Variants in ANKS1B observed in about 807,000 individuals in gnomAD.
The protein encoded by ANKS1B is ankyrin repeat and sterile alpha motif domain containing 1B.
In ANKS1B, 36 loss-of-function variants were observed where a neutral mutation model predicts 148.3. The ratio of observed to expected loss-of-function variants is 0.24; its 90% CI spans 0.19 to 0.32. The LOEUF is 0.32. Ranked by LOEUF, ANKS1B falls within the 10% of genes least tolerant of loss-of-function variation. The probability of loss-of-function intolerance (pLI) is 1.00; values close to 1 mark genes in which losing one functional copy is unlikely to be tolerated. For synonymous variants in ANKS1B, 542 were observed against 560.8 expected (o/e 0.97, Z 0.47); for missense variants, 1,157 against 1,542.6 (o/e 0.75, Z 4.19).
chr12:98,802,305 A>T (rs2099010344), intron 20 of ANKS1B, among the ~76,000 whole-genome samples: 1 of 152,218 alleles, frequency 6.6e-6, no homozygotes. Context: ...GGATTTCTTA[A>T]GGAGAATTTT....
At chr12:98,840,526 T>A (rs1279993696) in intron 17 of ANKS1B, among the ~76,000 whole-genome samples, 1 of 152,178 alleles carries the variant, frequency 6.6e-6, no homozygotes, top group African/African-American at 2.4e-5. Context: ...CTGAATGTAG[T>A]CTGTCTCATT....
At chr12:99,465,248 A>AT (rs2096078071) in intron 10 of ANKS1B, among the ~76,000 whole-genome samples, 1 of 152,172 alleles carries the variant, frequency 6.6e-6, no homozygotes, top group South Asian at 2.1e-4. Flanking sequence ...ATGCTGAGAG[A>AT]TTTTGTCACC....
chr12:98,891,338 T>A (rs887995527), intron 17 of ANKS1B, among the ~76,000 whole-genome samples: 5 of 151,910 alleles, frequency 3.3e-5, no homozygotes, highest in South Asian at 2.1e-4. Flanking sequence ...TTGATATTCA[T>A]CTAAACAAGC....
chr12:99,861,876 CT>C (rs1282966001), intron 1 of ANKS1B, among the ~76,000 whole-genome samples: 1 of 131,906 alleles, frequency 7.6e-6, no homozygotes, highest in Admixed American at 9.1e-5. Context: ...TTTCAAAATT[CT>C]TTTTGACATG....
intron 11 of ANKS1B, among the ~76,000 whole-genome samples, chr12:99,425,860 T>TATTTTTTAAATATTTTAAAAAA (rs2095242877): frequency 6.7e-6 from 1 of 148,846 alleles, no homozygotes; most frequent in Non-Finnish European, 1.5e-5. Flanking sequence ...CATTAGTTAC[T>TATTTTTTAAATATTTTAAAAAA]TGTTTTCTAT....
intron 10 of ANKS1B, among the ~76,000 whole-genome samples, chr12:99,494,360 G>C (rs1229868454): frequency 6.6e-6 from 1 of 152,146 alleles, no homozygotes; most frequent in Non-Finnish European, 1.5e-5. Context: ...GATCAAGGAA[G>C]TTTTCATTTA....
At chr12:99,826,545 C>T (rs1292951790) in intron 1 of ANKS1B, among the ~76,000 whole-genome samples, 3 of 152,034 alleles carry the variant, frequency 2.0e-5, no homozygotes, top group Non-Finnish European at 4.4e-5. Context: ...TTTAGGCTTA[C>T]ATGACTAGAA....
chr12:99,938,680 C>A (rs1289089024), intron 1 of ANKS1B, among the ~76,000 whole-genome samples: 1 of 152,168 alleles, frequency 6.6e-6, no homozygotes, highest in Non-Finnish European at 1.5e-5. Flanking sequence ...ACAGCCAGAC[C>A]CTTTTGTAAG....
intron 1 of ANKS1B, among the ~76,000 whole-genome samples, chr12:99,975,970 G>A (rs1312175429): frequency 6.6e-6 from 1 of 152,058 alleles, no homozygotes; most frequent in African/African-American, 2.4e-5. Context: ...ATGGTAGACT[G>A]GACAAGAAAA....
chr12:99,782,600 G>C (rs1049313587), intron 4 of ANKS1B, among the ~76,000 whole-genome samples: 1 of 152,136 alleles, frequency 6.6e-6, no homozygotes, highest in Non-Finnish European at 1.5e-5. Flanking sequence ...TCTTATGTGA[G>C]TATTTCACCT....
intron 17 of ANKS1B, among the ~76,000 whole-genome samples, chr12:99,041,580 C>T (rs1404209687): frequency 6.6e-6 from 1 of 151,996 alleles, no homozygotes; most frequent in African/African-American, 2.4e-5. Flanking sequence ...TTTTTTCCCC[C>T]CGGTGAGCCC....
chr12:99,233,128 T>C (rs1323706435), intron 14 of ANKS1B, among the ~76,000 whole-genome samples: 1 of 152,094 alleles, frequency 6.6e-6, no homozygotes, highest in Non-Finnish European at 1.5e-5. Context: ...AAATAACAAA[T>C]GAATTTCATG....
At chr12:98,837,055 G>A (rs1346756222) in intron 17 of ANKS1B, among the ~76,000 whole-genome samples, 1 of 152,154 alleles carries the variant, frequency 6.6e-6, no homozygotes, top group Non-Finnish European at 1.5e-5. Flanking sequence ...AAGTTGGCCA[G>A]GCGCAGTGGC....
At chr12:99,784,048 T>G (rs1203376390) in intron 4 of ANKS1B, among the ~76,000 whole-genome samples, 10 of 152,064 alleles carry the variant, frequency 6.6e-5, no homozygotes, top group Non-Finnish European at 1.5e-5. Flanking sequence ...CAAAAAAAAT[T>G]TAATGTGGCT....
chr12:99,152,716 G>C (rs992667208), intron 15 of ANKS1B, among the ~76,000 whole-genome samples: 2 of 152,058 alleles, frequency 1.3e-5, no homozygotes, highest in Non-Finnish European at 2.9e-5. Context: ...GAATAAATTT[G>C]GACAAGGGTT....
intron 17 of ANKS1B, among the ~76,000 whole-genome samples, chr12:98,858,603 G>A (rs776021709): frequency 6.6e-6 from 1 of 152,320 alleles, no homozygotes; most frequent in Non-Finnish European, 1.5e-5. Flanking sequence ...GCTTCCCAAA[G>A]TGTTGGGACT....
chr12:98,805,121 C>T lies in ANKS1B; in HGVS notation c.3141+2723G>A, dbSNP rs77459341. ...CCTTAAGTAATCACAAATGAGAAAT[C>T]AAAATGATTCAAGGTACTCCTAATA... On this transcript the variant is annotated intron_variant, in intron 20 of 26. Coordinates refer to ENST00000683438, the MANE Select transcript of ANKS1B (RefSeq NM_001352186.2). Among the ~76,000 whole-genome samples, 123 of 152,204 alleles carry T rather than the reference C, an allele frequency of 8.1e-4. 1 individual carries two copies. In the East Asian group the frequency reaches 0.021, roughly 26 times the overall value.
intron 15 of ANKS1B, among the ~76,000 whole-genome samples, chr12:99,116,557 T>C (rs1460324060): frequency 6.6e-6 from 1 of 152,194 alleles, no homozygotes; most frequent in Non-Finnish European, 1.5e-5. Context: ...TTTGACCTTC[T>C]TGGGTTAGGA....
chr12:99,797,662 G>A (rs1238023193), intron 4 of ANKS1B, among the ~76,000 whole-genome samples: 1 of 150,716 alleles, frequency 6.6e-6, no homozygotes, highest in African/African-American at 2.4e-5. Flanking sequence ...CACCTTTTAG[G>A]GGAAAAAAAA....
Sources: allele counts gnomAD v4.1 joint callset (sites outside exome capture counted in the v4.1 genomes callset), GRCh38; gene constraint gnomAD v4.1.1; transcripts MANE v1.5; gene names NCBI Gene and HGNC (gene_info 2026-07-23, HGNC 2026-07-21).